The following GAN variants were observed in gnomAD, a reference collection of about 807,000 sequenced individuals.
GAN encodes gigaxonin.
Under a neutral mutation model 71.3 loss-of-function variants are expected in GAN, and 48 were observed. The ratio of observed to expected loss-of-function variants is 0.67; its 90% CI spans 0.53 to 0.86. The LOEUF (loss-of-function observed/expected upper bound fraction) is 0.86. Ranked by LOEUF, GAN falls within the 40% of genes least tolerant of loss-of-function variation. The pLI is 0.00. For synonymous variants in GAN, 386 were observed against 276.8 expected (o/e 1.39, Z -3.92); for missense variants, 928 against 770.1 (o/e 1.21, Z -2.43).
chr16:81,358,168 C>T (rs11861054), intron 5 of GAN, among the ~76,000 whole-genome samples: 1 of 152,252 alleles, frequency 6.6e-6, no homozygotes, highest in South Asian at 2.1e-4. Flanking sequence ...GAAGCAGTTA[C>T]TTGATGACTT....
chr16:81,375,033 A>G (rs767723963), intron 9 of GAN, among the ~76,000 whole-genome samples: 1 of 152,234 alleles, frequency 6.6e-6, no homozygotes, highest in African/African-American at 2.4e-5. Flanking sequence ...TAGGAGAAAA[A>G]TCTTCGTATT....
Position 81,356,894 on chromosome 16 carries a change from GTAGCAA to G in GAN, c.746_751del (p.Ser249_Asn250del). On this transcript the variant is annotated inframe_deletion, in exon 4 of 11. Transcript: ENST00000648994. The stretch of plus-strand genomic sequence containing the variant: ...TTAGTACGAGAAATTGTCAAAGAGT[GTAGCAA>G]TATACCGCTCAGCCAGCCGCAGCAA... 1 of 1,613,878 alleles carries G rather than the reference GTAGCAA, an allele frequency of 6.2e-7. No homozygotes were observed.
chr16:81,373,029 G>C (rs771526277), intron 9 of GAN, among the ~76,000 whole-genome samples: 1 of 152,194 alleles, frequency 6.6e-6, no homozygotes, highest in Non-Finnish European at 1.5e-5. Flanking sequence ...ATGGTGCTTA[G>C]CTTTGTTTCT....
chr16:81,372,350 C>A (rs766830643), intron 9 of GAN, among the ~76,000 whole-genome samples: 1 of 151,746 alleles, frequency 6.6e-6, no homozygotes, highest in East Asian at 2.0e-4. Context: ...TCATTTCATC[C>A]TCACAACAGT....
At chr16:81,350,437 T>C (rs1420566648) in intron 1 of GAN, among the ~76,000 whole-genome samples, 1 of 152,144 alleles carries the variant, frequency 6.6e-6, no homozygotes, top group Non-Finnish European at 1.5e-5. Context: ...CGCCACCTAC[T>C]ATGGAGAATA....
At position 81,388,312 on chromosome 16, in the gene GAN, C is replaced by T. The variant is rs1025308741; in HGVS notation, c.*10716C>T. 1 of 152,362 alleles carries T rather than the reference C, an allele frequency of 6.6e-6. No individual in the cohort carries two copies. The highest frequency in any genetic ancestry group is 2.1e-4 in the South Asian group (1 of 4,834). 9.4% of individuals were successfully genotyped at this position (152,362 alleles called of 1,614,324 possible). A position where few individuals can be genotyped will look rare whatever the true frequency, so the allele number is the denominator to read the frequency against. ...GTTGGGGGCGAGGAGAATAGCCCTT[C>T]TGGTTCTTCAGACCACATAATGGCC... On this transcript the variant is annotated 3_prime_UTR_variant, in exon 11 of 11. Coordinates refer to ENST00000648994, the MANE Select transcript of GAN (RefSeq NM_022041.4).
intron 1 of GAN, among the ~76,000 whole-genome samples, chr16:81,340,485 A>G (rs988430371): frequency 2.6e-5 from 4 of 152,170 alleles, no homozygotes; most frequent in Admixed American, 2.6e-4. Flanking sequence ...GGTGATACCC[A>G]GGCAAACAGG....
In GAN at chr16:81,315,294, T is replaced by A; in HGVS notation, c.167+14T>A. 6.7e-7 allele frequency: 1 copy of A among 1,481,758 alleles called. No homozygotes were observed. The highest frequency in any genetic ancestry group is 9.0e-7 in the Non-Finnish European group (1 of 1,106,854). 91.8% of individuals were successfully genotyped at this position (1,481,758 alleles called of 1,614,324 possible). On this transcript the variant is annotated intron_variant, in intron 1 of 10. Coordinates refer to ENST00000648994, the MANE Select transcript of GAN (RefSeq NM_022041.4). ...CCCGTACATCAGGTGGGGAGGGGGC[T>A]ACGGCGGGCGGGCGCGGCGGTGCTG... is the stretch of plus-strand genomic sequence containing the variant.
At chr16:81,341,327 C>G (rs1411490799) in intron 1 of GAN, among the ~76,000 whole-genome samples, 1 of 152,030 alleles carries the variant, frequency 6.6e-6, no homozygotes, top group Non-Finnish European at 1.5e-5. Context: ...AGAGCAACCC[C>G]AAGACACATA....
At position 81,389,461 on chromosome 16, in the gene GAN, G is replaced by T. The variant is rs1904500901; in HGVS notation, c.*11865G>T. ...ACCAGCAGCCTGGAAGTGACCAGCAGAGCTGACAAAAGCACCCCCTGCTCT... is the reference window on the plus strand; with the variant it reads ...ACCAGCAGCCTGGAAGTGACCAGCATAGCTGACAAAAGCACCCCCTGCTCT... On this transcript the variant is annotated 3_prime_UTR_variant, in exon 11 of 11. Coordinates refer to ENST00000648994, the MANE Select transcript of GAN (RefSeq NM_022041.4). 6.6e-6 allele frequency: 1 copy of T among 152,250 alleles called. No individual in the cohort carries two copies. Among genetic ancestry groups the T allele is most frequent in the Non-Finnish European group, 1.5e-5 (1 of 68,076 alleles). 9.4% of individuals were successfully genotyped at this position (152,250 alleles called of 1,614,324 possible). A position where few individuals can be genotyped will look rare whatever the true frequency, so the allele number is the denominator to read the frequency against.
Position 81,317,101 on chromosome 16 carries a change from C to T in GAN, c.167+1821C>T, listed in dbSNP as rs577517478. Among the ~76,000 whole-genome samples the T allele has an allele frequency of 6.5e-4, 99 of 152,342 alleles. 1 individual carries two copies. Among genetic ancestry groups the T allele is most frequent in the Middle Eastern group, 6.8e-3 (2 of 294 alleles). ...CTCGAACTCCTCACCTCGTGATCCG[C>T]CCACCTCGGCCTCCCAAAGTGCTGG... On this transcript the variant is annotated intron_variant, in intron 1 of 10. Coordinates refer to ENST00000648994, the MANE Select transcript of GAN (RefSeq NM_022041.4).
intron 1 of GAN, among the ~76,000 whole-genome samples, chr16:81,324,706 AG>A (rs1240456915): frequency 6.6e-6 from 1 of 152,224 alleles, no homozygotes; most frequent in Non-Finnish European, 1.5e-5. Flanking sequence ...GGGACAAAAA[AG>A]CAATTGATGG....
intron 1 of GAN, among the ~76,000 whole-genome samples, chr16:81,349,533 A>G (rs1910230280): frequency 6.6e-6 from 1 of 152,142 alleles, no homozygotes; most frequent in Admixed American, 6.5e-5. Flanking sequence ...AGTTCCGGCT[A>G]CTTGGGGGGC....
chr16:81,351,468 G>A, intron 1 of GAN, 115 bp from the exon 2 acceptor site: 1 of 666,782 alleles, frequency 1.5e-6, no homozygotes. Flanking sequence ...AAATTTTCTA[G>A]GTGGGGATTC....
At chr16:81,374,020 C>T (rs1904274941) in intron 9 of GAN, among the ~76,000 whole-genome samples, 1 of 152,196 alleles carries the variant, frequency 6.6e-6, no homozygotes, top group Admixed American at 6.5e-5. Context: ...GGATTACAGG[C>T]GTGAGCCACT....
intron 5 of GAN, among the ~76,000 whole-genome samples, chr16:81,361,793 C>G (rs1355521949): frequency 1.3e-5 from 2 of 152,162 alleles, no homozygotes; most frequent in African/African-American, 4.8e-5. Context: ...CTCCTGGGCT[C>G]AAGCGATCCT....
rs762315554 is a variant in GAN, at chr16:81,314,980, C to G, written c.-134C>G. 2.7e-6 allele frequency: 2 copies of G among 729,602 alleles called. No homozygotes were observed. The highest frequency in any genetic ancestry group is 3.1e-5 in the South Asian group (1 of 32,328). 45.2% of individuals were successfully genotyped at this position (729,602 alleles called of 1,614,324 possible). A position where few individuals can be genotyped will look rare whatever the true frequency, so the allele number is the denominator to read the frequency against. On this transcript the variant is annotated 5_prime_UTR_variant, in exon 1 of 11. Transcript: ENST00000648994. ...GCGCCGCGGATAGCACAGGCACGTC[C>G]CGGGGGCTCCAGCTTCTGCTCAGAG...
At chr16:81,357,620 C>A (rs1044253278) in intron 4 of GAN, among the ~76,000 whole-genome samples, 190 bp from the exon 5 acceptor site, 1 of 152,050 alleles carries the variant, frequency 6.6e-6, no homozygotes, top group African/African-American at 2.4e-5. Context: ...GGGTATATAC[C>A]CAGTAATGGG....
chr16:81,327,273 T>G (rs1187592589), intron 1 of GAN, among the ~76,000 whole-genome samples: 2 of 152,208 alleles, frequency 1.3e-5, no homozygotes, highest in Non-Finnish European at 2.9e-5. Flanking sequence ...TTCAAGTTGT[T>G]TGGAGAAGTT....
Sources: allele counts gnomAD v4.1 joint callset (sites outside exome capture counted in the v4.1 genomes callset), GRCh38; gene constraint gnomAD v4.1.1; transcripts MANE v1.5; gene names NCBI Gene and HGNC (gene_info 2026-07-23, HGNC 2026-07-21).